Variants in SLC6A2 observed in about 807,000 individuals in gnomAD.
SLC6A2 encodes solute carrier family 6 member 2, also known as sodium-dependent noradrenaline transporter.
SLC6A2 carries 26 observed loss-of-function variants against 71.7 expected under a neutral mutation model. That is an observed-to-expected ratio of 0.36 (90% CI 0.27 to 0.50). The LOEUF (loss-of-function observed/expected upper bound fraction) is 0.50. Among genes scored for constraint, SLC6A2 ranks in the 20% least tolerant of loss-of-function variants. SLC6A2 has a pLI of 0.96. For missense variants in SLC6A2, 581 were observed against 803.9 expected (o/e 0.72, Z 3.35); for synonymous variants, 363 against 337.9 (o/e 1.07, Z -0.82).
intron 2 of SLC6A2, among the ~76,000 whole-genome samples, chr16:55,660,858 A>G (rs1029118522): frequency 6.6e-6 from 1 of 152,226 alleles, no homozygotes; most frequent in East Asian, 1.9e-4. Context: ...CTGACTGTTC[A>G]TGCTGGCCCA....
chr16:55,688,058 T>A (rs1211743666), intron 5 of SLC6A2, among the ~76,000 whole-genome samples: 2 of 152,260 alleles, frequency 1.3e-5, no homozygotes, highest in Non-Finnish European at 2.9e-5. Flanking sequence ...TAAGCAGGCA[T>A]GCCACAGGCA....
At chr16:55,684,571 C>G (rs12443955) in intron 4 of SLC6A2, among the ~76,000 whole-genome samples, 40,220 of 152,114 alleles carry the variant, frequency 0.26, 6,139 homozygotes, top group Admixed American at 0.34. Context: ...GTCTCTAGAC[C>G]AGGTATTCTC....
intron 2 of SLC6A2, among the ~76,000 whole-genome samples, chr16:55,667,954 TC>T (rs1346171521): frequency 6.6e-6 from 1 of 152,220 alleles, no homozygotes; most frequent in Non-Finnish European, 1.5e-5. Context: ...ACCCTCAGTT[TC>T]CTCATCTGAA....
chr16:55,685,509 T>C (rs2142560998), intron 5 of SLC6A2, among the ~76,000 whole-genome samples: 1 of 152,254 alleles, frequency 6.6e-6, no homozygotes, highest in Non-Finnish European at 1.5e-5. Flanking sequence ...GGGGTATAAG[T>C]GGATCAGAGT....
At chr16:55,684,322 A>G (rs1965377724) in intron 4 of SLC6A2, among the ~76,000 whole-genome samples, 1 of 150,618 alleles carries the variant, frequency 6.6e-6, no homozygotes, top group East Asian at 1.9e-4. Context: ...AAAAAACAAC[A>G]ACAACAAAAC....
In SLC6A2 at chr16:55,700,164, A is replaced by G. The variant is rs781424360; in HGVS notation, c.1616A>G (p.Asn539Ser). The change falls in exon 13 of 15, where the codon AAC becomes AGC. Residue 539 changes from asparagine to serine, a missense_variant. By Grantham distance (46) the Asn-to-Ser change is conservative. Around this residue, in one of 5 missense-constraint regions of SLC6A2, gnomAD observed 334 missense variants for 449.0 expected, o/e 0.74. Coordinates refer to ENST00000568943, the MANE Select transcript of SLC6A2 (RefSeq NM_001172501.3). ...LLFVVVVSII[N>S]FKPLTYDDYI... ...TTCGTGGTTGTGGTCAGCATCATCAACTTCAAGCCACTCACCTACGACGAC... is the reference window on the plus strand; with the variant it reads ...TTCGTGGTTGTGGTCAGCATCATCAGCTTCAAGCCACTCACCTACGACGAC... 6.2e-7 allele frequency: 1 copy of G among 1,613,894 alleles called. No homozygotes were observed. Among genetic ancestry groups the G allele is most frequent in the Non-Finnish European group, 8.5e-7 (1 of 1,179,984 alleles).
intron 4 of SLC6A2, among the ~76,000 whole-genome samples, chr16:55,674,503 C>A (rs1965021856): frequency 6.6e-6 from 1 of 151,878 alleles, no homozygotes; most frequent in South Asian, 2.1e-4. Context: ...CGGCTCACTG[C>A]AACCTCTGTG....
Position 55,702,746 on chromosome 16 carries a change from C to CCCT in SLC6A2, c.*401_*402insCTC, listed in dbSNP as rs1555506504. The CCCT allele has an allele frequency of 1.4e-6, 1 of 716,246 alleles. No homozygotes were observed. The highest frequency in any genetic ancestry group is 4.7e-5 in the African/African-American group (1 of 21,308). The allele number at this position is 716,246 out of a possible 1,614,324, so 44.4% of individuals were successfully genotyped here. A position where few individuals can be genotyped will look rare whatever the true frequency, so the allele number is the denominator to read the frequency against. On this transcript the variant is annotated 3_prime_UTR_variant, in exon 15 of 15. Coordinates refer to ENST00000568943, the MANE Select transcript of SLC6A2 (RefSeq NM_001172501.3). Reference sequence around the variant, plus strand: ...ATGGGCTTTTGATCAGATACCCCTCCCAAAAAAAAAAAAAACTAAAACTAA... The same window carrying CCCT: ...ATGGGCTTTTGATCAGATACCCCTCCCCTCAAAAAAAAAAAAAACTAAAACTAA...
chr16:55,674,234 A>G (rs186757753), intron 4 of SLC6A2, among the ~76,000 whole-genome samples: 4 of 151,712 alleles, frequency 2.6e-5, no homozygotes, highest in Admixed American at 1.3e-4. Context: ...TCCTTTCTTT[A>G]TGTCCATGTG....
chr16:55,664,496 A>C (rs74019203), intron 2 of SLC6A2, among the ~76,000 whole-genome samples: 4,168 of 152,266 alleles, frequency 0.027, 206 homozygotes, highest in African/African-American at 0.092. Context: ...TGTGCTCCAC[A>C]AAGGGCCCAG....
At position 55,671,296 on chromosome 16, in the gene SLC6A2, G is replaced by T. The variant is rs146462667; in HGVS notation, c.407-642G>T. 8.6e-3 allele frequency among the ~76,000 whole-genome samples: 1,304 copies of T among 152,274 alleles called. 12 individuals carry two copies. The highest frequency in any genetic ancestry group is 0.012 in the Non-Finnish European group (831 of 68,014). On this transcript the variant is annotated intron_variant, in intron 3 of 14. Coordinates refer to ENST00000568943, the MANE Select transcript of SLC6A2 (RefSeq NM_001172501.3). The stretch of plus-strand genomic sequence containing the variant: ...CCTGTCAGTGTTATCCTGCCCAGGG[G>T]GCGAGGGAGCTGGATACTCACGATC...
intron 13 of SLC6A2, 85 bp downstream of exon 13, chr16:55,700,391 G>T: frequency 8.0e-7 from 1 of 1,243,392 alleles, no homozygotes; most frequent in Non-Finnish European, 1.1e-6. Flanking sequence ...TTGGGGTGGG[G>T]GAAGGGACAG....
Position 55,702,610 on chromosome 16 carries a change from C to T in SLC6A2, c.*264C>T. The T allele has an allele frequency of 7.1e-7, 1 of 1,398,860 alleles. No homozygotes were observed. The highest frequency in any genetic ancestry group is 2.7e-5 in the East Asian group (1 of 36,616). 86.7% of individuals were successfully genotyped at this position (1,398,860 alleles called of 1,614,324 possible). On this transcript the variant is annotated 3_prime_UTR_variant, in exon 15 of 15. Transcript: ENST00000568943. ...CTGTCCCCGCTGTTTTGGGGGAAGT[C>T]TCTCCCACTTTGGGATCCTGCTGAA...
At chr16:55,663,377 A>G (rs149201500) in intron 2 of SLC6A2, among the ~76,000 whole-genome samples, 5 of 152,166 alleles carry the variant, frequency 3.3e-5, no homozygotes, top group Admixed American at 2.6e-4. Flanking sequence ...CCCTCTTGCC[A>G]TGTGATCTCT....
chr16:55,675,757 T>A (rs1051168289), intron 4 of SLC6A2, among the ~76,000 whole-genome samples: 1 of 150,216 alleles, frequency 6.7e-6, no homozygotes, highest in Non-Finnish European at 1.5e-5. Context: ...TGCTACTGTA[T>A]TGGGCAGTGC....
Position 55,699,560 on chromosome 16 carries a change from A to G in SLC6A2, c.1496A>G (p.Asp499Gly). ...CTGCCCTGTGTGTGCACAGGAGTGG[A>G]CAGGTTCAGCAACGACATCCAGCAG... The part of the protein sequence containing the change: ...AIGVSWFYGV[D>G]RFSNDIQQMM... Residue 499 changes from aspartate (D) to glycine (G), a missense_variant, in exon 12 of 15, where the codon GAC (aspartate) becomes GGC (glycine). Coordinates refer to ENST00000568943, the MANE Select transcript of SLC6A2 (RefSeq NM_001172501.3). 1 of 1,613,756 alleles carries G rather than the reference A, an allele frequency of 6.2e-7. No individual in the cohort carries two copies. Among genetic ancestry groups the G allele is most frequent in the South Asian group, 1.1e-5 (1 of 91,074 alleles).
chr16:55,683,999 G>A (rs559119405), intron 4 of SLC6A2, among the ~76,000 whole-genome samples: 1 of 152,076 alleles, frequency 6.6e-6, no homozygotes, highest in Non-Finnish European at 1.5e-5. Flanking sequence ...GGTAATTGCT[G>A]TATAATACTC....
intron 2 of SLC6A2, among the ~76,000 whole-genome samples, chr16:55,657,403 A>C (rs531706482): frequency 6.6e-6 from 1 of 152,262 alleles, no homozygotes; most frequent in African/African-American, 2.4e-5. Flanking sequence ...GGATTTGACA[A>C]CCAGGCCCAC....
intron 10 of SLC6A2, 58 bp from the exon 11 acceptor site, chr16:55,698,411 A>G (rs2142620616): frequency 8.2e-7 from 1 of 1,216,114 alleles, no homozygotes; most frequent in Non-Finnish European, 1.2e-6. Context: ...CAGACACAAC[A>G]ATCAGTTCCC....
Sources: gnomAD v4.1 joint callset for allele counts (sites outside exome capture counted in the v4.1 genomes callset) on GRCh38, gnomAD v4.1.1 for gene constraint, gnomAD v4.1.1 regional missense constraint, MANE v1.5 for transcripts, NCBI Gene and HGNC (gene_info 2026-07-23, HGNC 2026-07-21) for gene names.